WWOX: variants seen among roughly 807,000 people sequenced by gnomAD.
The protein encoded by WWOX is WW domain-containing oxidoreductase.
A neutral mutation model predicts 46.2 loss-of-function variants in WWOX; 69 were observed. The ratio of observed to expected loss-of-function variants is 1.49; its 90% confidence interval spans 1.23 to 1.82. The LOEUF is 1.82. Ranked by LOEUF, WWOX falls within the 40% of genes most tolerant of loss-of-function variation. The pLI is 0.00. For missense variants in WWOX, 919 were observed against 542.6 expected, an observed-to-expected ratio of 1.69 and a Z score of -6.89; for synonymous variants, 359 against 202.6, an observed-to-expected ratio of 1.77 and a Z score of -6.56.
intron 8 of WWOX, among the ~76,000 whole-genome samples, chr16:78,910,355 C>T (rs763065378): frequency 2.6e-5 from 4 of 151,974 alleles, no homozygotes; most frequent in Non-Finnish European, 5.9e-5. Flanking sequence ...CCCTGACAGC[C>T]TTTTCTGGAC....
Position 79,145,249 on chromosome 16 carries a change from A to C in WWOX, c.1057-66359A>C, listed in dbSNP as rs1220593391. Among the ~76,000 whole-genome samples, 4 of 152,348 alleles carry C rather than the reference A, an allele frequency of 2.6e-5. No homozygotes were observed. In the East Asian group the frequency reaches 7.7e-4, roughly 29 times the overall value. On this transcript the variant is annotated intron_variant, in intron 8 of 8. Transcript: ENST00000566780. ...TTTTATGGTTCTATCAGTGATGCCA[A>C]AAAAGCATTTGCTCAAATTCAGAAG...
At chr16:78,459,455 T>G (rs2083900991) in intron 8 of WWOX, among the ~76,000 whole-genome samples, 1 of 152,258 alleles carries the variant, frequency 6.6e-6, no homozygotes, top group Non-Finnish European at 1.5e-5. Flanking sequence ...TGTATCCGTT[T>G]TCTTCCTTTT....
chr16:78,386,898 T>A lies in WWOX; in HGVS notation c.555T>A (p.Ala185=), dbSNP rs748722105. 1.9e-6 allele frequency: 3 copies of A among 1,614,140 alleles called. No homozygotes were observed. The highest frequency in any genetic ancestry group is 2.5e-6 in the Non-Finnish European group (3 of 1,180,004). Residue 185 remains alanine (A), a synonymous_variant, in exon 6 of 9, where the codon GCT becomes GCA. Transcript: ENST00000566780. ...TAGAAGCAATGACCCTGGACCTCGC[T>A]CTGCTCCGTAGCGTGCAGCATTTTG... The part of the protein sequence containing the change: ...AKVEAMTLDL[A]LLRSVQHFAE...
At chr16:78,999,145 CTTTTTTTT>C (rs761357136) in intron 8 of WWOX, among the ~76,000 whole-genome samples, 1 of 141,436 alleles carries the variant, frequency 7.1e-6, no homozygotes, top group African/African-American at 2.6e-5. Context: ...GATGCTTCTT[CTTTTTTTT>C]TTTTTTTAAT....
intron 5 of WWOX, among the ~76,000 whole-genome samples, chr16:78,254,892 C>T (rs1428850513): frequency 6.6e-6 from 1 of 152,166 alleles, no homozygotes; most frequent in South Asian, 2.1e-4. Context: ...CAGCCCCAGT[C>T]AGGGTTGTTG....
chr16:78,548,511 G>T (rs1007734024), intron 8 of WWOX, among the ~76,000 whole-genome samples: 9 of 152,054 alleles, frequency 5.9e-5, no homozygotes, highest in African/African-American at 2.2e-4. Context: ...AAATTGTTTT[G>T]CAAACATTTT....
At chr16:79,156,214 T>C (rs1198958590) in intron 8 of WWOX, among the ~76,000 whole-genome samples, 1 of 152,114 alleles carries the variant, frequency 6.6e-6, no homozygotes, top group Non-Finnish European at 1.5e-5. Flanking sequence ...CAGGCTGGAG[T>C]GCAGTGGTAC....
intron 8 of WWOX, among the ~76,000 whole-genome samples, chr16:78,934,328 T>A (rs1453316814): frequency 4.2e-5 from 2 of 47,482 alleles, no homozygotes; most frequent in Non-Finnish European, 8.4e-5. Flanking sequence ...ACAGAGCAAG[T>A]CTCCGTCTCA....
At chr16:78,392,637 C>T (rs891907573) in intron 6 of WWOX, among the ~76,000 whole-genome samples, 2 of 152,090 alleles carry the variant, frequency 1.3e-5, no homozygotes, top group African/African-American at 4.8e-5. Flanking sequence ...GATTGCATCT[C>T]TGTGGTGTCT....
chr16:78,454,906 G>C (rs891854688), intron 8 of WWOX, among the ~76,000 whole-genome samples: 1 of 152,228 alleles, frequency 6.6e-6, no homozygotes, highest in East Asian at 1.9e-4. Context: ...ATCACAGTCT[G>C]TTCTTTGGCA....
chr16:78,494,945 ACCC>A, intron 8 of WWOX, among the ~76,000 whole-genome samples: 1 of 152,162 alleles, frequency 6.6e-6, no homozygotes, highest in African/African-American at 2.4e-5. Flanking sequence ...CTTTGTTGCA[ACCC>A]AGCTCACCGC....
At position 78,271,087 on chromosome 16, in the gene WWOX, C is replaced by T. The variant is rs1003056544; in HGVS notation, c.516+106798C>T. Among the ~76,000 whole-genome samples the T allele has an allele frequency of 2.0e-5, 3 of 152,198 alleles. No individual in the cohort carries two copies. In the East Asian group the frequency reaches 5.8e-4, roughly 29 times the overall value. On this transcript the variant is annotated intron_variant, in intron 5 of 8. Coordinates refer to ENST00000566780, the MANE Select transcript of WWOX (RefSeq NM_016373.4). The stretch of plus-strand genomic sequence containing the variant: ...TATTTATCGATCTTTAGAATTACAT[C>T]AACATTAAGCTAATTACTTTAAATT...
chr16:78,507,017 G>A (rs1028557990), intron 8 of WWOX, among the ~76,000 whole-genome samples: 1 of 152,106 alleles, frequency 6.6e-6, no homozygotes, highest in Non-Finnish European at 1.5e-5. Flanking sequence ...CACGACCTCA[G>A]GGTCCCTTCT....
chr16:78,567,011 G>A (rs1400274524), intron 8 of WWOX, among the ~76,000 whole-genome samples: 10 of 152,096 alleles, frequency 6.6e-5, no homozygotes, highest in Non-Finnish European at 1.5e-4. Context: ...CTTTCTATGT[G>A]CCAGGCATGA....
chr16:78,985,719 A>C (rs2046771555), intron 8 of WWOX, among the ~76,000 whole-genome samples: 1 of 152,232 alleles, frequency 6.6e-6, no homozygotes, highest in Non-Finnish European at 1.5e-5. Context: ...CAGTGAGCCA[A>C]GGTCGTGCCA....
chr16:78,777,350 C>A (rs1213933744), intron 8 of WWOX, among the ~76,000 whole-genome samples: 3 of 152,188 alleles, frequency 2.0e-5, no homozygotes, highest in African/African-American at 7.2e-5. Context: ...CCCCATGTAG[C>A]TACTGAGCAC....
At chr16:78,769,500 C>G (rs1401505032) in intron 8 of WWOX, among the ~76,000 whole-genome samples, 3 of 151,550 alleles carry the variant, frequency 2.0e-5, no homozygotes, top group Non-Finnish European at 4.4e-5. Flanking sequence ...GGGTAATTAA[C>G]AAATGTAATC....
At chr16:78,126,411 A>G (rs2033363840) in intron 4 of WWOX, among the ~76,000 whole-genome samples, 7 of 152,200 alleles carry the variant, frequency 4.6e-5, no homozygotes, top group African/African-American at 2.4e-5. Flanking sequence ...TTTAAAAAAT[A>G]TCACTTAAAT....
chr16:78,772,911 A>G (rs977024477), intron 8 of WWOX, among the ~76,000 whole-genome samples: 5 of 152,100 alleles, frequency 3.3e-5, no homozygotes, highest in African/African-American at 7.2e-5. Flanking sequence ...TGTAGTCCCA[A>G]TTACTCAGGA....
Sources: allele counts gnomAD v4.1 joint callset (sites outside exome capture counted in the v4.1 genomes callset), GRCh38; gene constraint gnomAD v4.1.1; transcripts MANE v1.5; gene names NCBI Gene and HGNC (gene_info 2026-07-23, HGNC 2026-07-21).